The following DAB1 variants were observed in gnomAD, a reference collection of about 807,000 sequenced individuals.
DAB1 encodes the protein disabled homolog 1.
A neutral mutation model predicts 64.6 loss-of-function variants in DAB1; 15 were observed. The ratio of observed to expected loss-of-function variants is 0.23; its 90% CI spans 0.16 to 0.36. DAB1 has a LOEUF of 0.36. Ranked by LOEUF, DAB1 falls within the 10% of genes least tolerant of loss-of-function variation. The pLI is 1.00. For synonymous variants in DAB1, 235 were observed against 251.9 expected, an observed-to-expected ratio of 0.93 and a Z score of 0.64; for missense variants, 596 against 706.7, an observed-to-expected ratio of 0.84 and a Z score of 1.78.
At chr1:57,236,349 A>G (rs1349287212) in intron 2 of DAB1, among the ~76,000 whole-genome samples, 1 of 152,194 alleles carries the variant, frequency 6.6e-6, no homozygotes, top group Admixed American at 6.5e-5. Flanking sequence ...AGAAACATGT[A>G]AAGATGAAGA....
chr1:57,082,332 C>G (rs1010063207), intron 4 of DAB1, among the ~76,000 whole-genome samples: 1 of 152,136 alleles, frequency 6.6e-6, no homozygotes, highest in Non-Finnish European at 1.5e-5. Context: ...CAGCTGCAGA[C>G]AAAAGACCTT....
chr1:57,017,028 C>T (rs185872692), intron 11 of DAB1, among the ~76,000 whole-genome samples: 24 of 152,244 alleles, frequency 1.6e-4, no homozygotes, highest in Admixed American at 1.3e-3. Flanking sequence ...TTCCTTTGTG[C>T]CACACACTGC....
In DAB1 at chr1:58,403,828, C is replaced by A. The variant is rs572431395; in HGVS notation, n.258-60425G>T. 4.3e-4 allele frequency among the ~76,000 whole-genome samples: 66 copies of A among 152,056 alleles called. 1 individual carries two copies. Among genetic ancestry groups the A allele is most frequent in the African/African-American group, 1.6e-3 (64 of 41,290 alleles). ...GCATGCATGCGCACGCATTCACACACACACATGACTTGAACAGGCATAAGT... is the reference window on the plus strand; with the variant it reads ...GCATGCATGCGCACGCATTCACACAAACACATGACTTGAACAGGCATAAGT... On this transcript the variant is annotated intron_variant and non_coding_transcript_variant, in intron 3 of 20. Coordinates refer to the DAB1 transcript ENST00000485760.
intron 3 of DAB1, among the ~76,000 whole-genome samples, chr1:58,433,282 A>G (rs890214472): frequency 2.6e-5 from 4 of 152,096 alleles, no homozygotes; most frequent in African/African-American, 9.7e-5. Context: ...GAAGTGTGGG[A>G]AAGAGGAAGG....
At chr1:58,276,235 A>T (rs918895885) in intron 4 of DAB1, among the ~76,000 whole-genome samples, 4 of 152,216 alleles carry the variant, frequency 2.6e-5, no homozygotes, top group Non-Finnish European at 5.9e-5. Flanking sequence ...AATTGAGTGC[A>T]TGACAATGTG....
chr1:58,176,388 T>G (rs35616627), intron 4 of DAB1, among the ~76,000 whole-genome samples: 10,558 of 152,240 alleles, frequency 0.069, 413 homozygotes, highest in Admixed American at 0.088. Flanking sequence ...TAAAACATTA[T>G]TAAAAACTGG....
At chr1:58,409,676 C>T (rs1046392313) in intron 3 of DAB1, among the ~76,000 whole-genome samples, 35 of 152,292 alleles carry the variant, frequency 2.3e-4, no homozygotes, top group African/African-American at 7.0e-4. Context: ...CATCCTTCTC[C>T]TCTCTAGACC....
At chr1:57,288,088 G>A (rs1284282156) in intron 2 of DAB1, among the ~76,000 whole-genome samples, 1 of 152,158 alleles carries the variant, frequency 6.6e-6, no homozygotes, top group Non-Finnish European at 1.5e-5. Context: ...GAGCCACTAC[G>A]CCCAGCCCTT....
At chr1:57,455,422 C>T (rs549758671) in intron 7 of DAB1, among the ~76,000 whole-genome samples, 1 of 152,002 alleles carries the variant, frequency 6.6e-6, no homozygotes, top group African/African-American at 2.4e-5. Context: ...GATGCTGGAG[C>T]CTTGTCTCTT....
At chr1:58,395,013 G>C (rs1212361341) in intron 3 of DAB1, among the ~76,000 whole-genome samples, 1 of 151,594 alleles carries the variant, frequency 6.6e-6, no homozygotes, top group Non-Finnish European at 1.5e-5. Context: ...AGTCAGAATG[G>C]AGGAGTCATG....
intron 6 of DAB1, among the ~76,000 whole-genome samples, chr1:57,765,781 C>A (rs1300885791): frequency 6.6e-6 from 1 of 152,094 alleles, no homozygotes; most frequent in African/African-American, 2.4e-5. Context: ...CCTGGCTACT[C>A]CTTTGTATTT....
intron 2 of DAB1, among the ~76,000 whole-genome samples, chr1:57,148,488 G>T (rs376909027): frequency 1.3e-5 from 2 of 152,134 alleles, no homozygotes; most frequent in Non-Finnish European, 2.9e-5. Flanking sequence ...AACAGATATC[G>T]GAGCCATAAG....
At chr1:58,108,199 T>A (rs1436115331) in intron 5 of DAB1, among the ~76,000 whole-genome samples, 1 of 152,182 alleles carries the variant, frequency 6.6e-6, no homozygotes, top group African/African-American at 2.4e-5. Context: ...TTCTCACTAC[T>A]CTTTTGAGAA....
intron 4 of DAB1, among the ~76,000 whole-genome samples, chr1:58,236,844 T>C (rs1660065445): frequency 6.6e-6 from 1 of 152,230 alleles, no homozygotes; most frequent in African/African-American, 2.4e-5. Flanking sequence ...ATCCAAACTT[T>C]ACGTTGCTTT....
At chr1:58,105,721 T>C (rs564365218) in intron 5 of DAB1, among the ~76,000 whole-genome samples, 1 of 152,214 alleles carries the variant, frequency 6.6e-6, no homozygotes, top group Non-Finnish European at 1.5e-5. Context: ...GCAAGGCACT[T>C]AGGAATAATG....
At chr1:58,391,444 C>A (rs1342647171) in intron 3 of DAB1, among the ~76,000 whole-genome samples, 1 of 152,230 alleles carries the variant, frequency 6.6e-6, no homozygotes. Context: ...GCAAAAGCAA[C>A]CGCAGAGAGG....
At chr1:57,061,535 T>C (rs1484835826) in intron 9 of DAB1, among the ~76,000 whole-genome samples, 1 of 152,220 alleles carries the variant, frequency 6.6e-6, no homozygotes, top group Non-Finnish European at 1.5e-5. Flanking sequence ...GGTCTAGCTA[T>C]GAGCAGCTCT....
upstream of DAB1, among the ~76,000 whole-genome samples, chr1:57,426,738 G>A (rs954168650): frequency 4.6e-5 from 7 of 152,066 alleles, no homozygotes; most frequent in Admixed American, 4.6e-4. Context: ...TATAGAGTTT[G>A]GAATTTAATG....
chr1:58,180,267 C>CTTTTT (rs1194922772), intron 4 of DAB1, among the ~76,000 whole-genome samples: 5 of 72,632 alleles, frequency 6.9e-5, no homozygotes, highest in Admixed American at 1.5e-4. Flanking sequence ...TTTCTTTTTT[C>CTTTTT]TTTTTTTTCT....
Sources: gnomAD v4.1 joint callset for allele counts (sites outside exome capture counted in the v4.1 genomes callset) on GRCh38, gnomAD v4.1.1 for gene constraint, MANE v1.5 for transcripts, NCBI Gene and HGNC (gene_info 2026-07-23, HGNC 2026-07-21) for gene names.